Variants in SCARB1 observed in about 807,000 individuals in gnomAD.
SCARB1 encodes the protein CD36 and LIMPII analogous 1.
In SCARB1, 30 loss-of-function variants were observed where a neutral mutation model predicts 57.2. The observed-to-expected ratio is 0.52, with a 90% confidence interval of 0.39 to 0.71. The LOEUF (loss-of-function observed/expected upper bound fraction) is 0.71, where lower values mean the gene tolerates loss of function less well. Ranked by LOEUF, SCARB1 falls within the 30% of genes least tolerant of loss-of-function variation. The pLI is 0.00. For missense variants in SCARB1, 543 were observed against 671.2 expected (o/e 0.81, Z 2.11); for synonymous variants, 249 against 268.3 (o/e 0.93, Z 0.70).
rs1950951677 is a variant in SCARB1, at chr12:124,821,381, A to C, written c.127-3674T>G. Reference sequence around the variant, plus strand: ...TACCTTTCTCCTTTGGAATCTCACCATGCTTTCCTCCTCCCCTGGCCGCTT... The same window carrying C: ...TACCTTTCTCCTTTGGAATCTCACCCTGCTTTCCTCCTCCCCTGGCCGCTT... On this transcript the variant is annotated intron_variant, in intron 1 of 12. Transcript: ENST00000261693. The C allele has an allele frequency of 3.0e-6, 3 of 985,142 alleles. No individual in the cohort carries two copies. The South Asian group carries it at 1.4e-4, about 46-fold the overall frequency. 61.0% of individuals were successfully genotyped at this position (985,142 alleles called of 1,614,324 possible).
intron 1 of SCARB1, among the ~76,000 whole-genome samples, chr12:124,856,364 T>C (rs1952627927): frequency 6.6e-6 from 1 of 152,242 alleles, no homozygotes; most frequent in Admixed American, 6.5e-5. Flanking sequence ...TGTGTGTCAC[T>C]GTTTTCACCA....
chr12:124,827,984 C>G (rs1951232657), intron 1 of SCARB1, among the ~76,000 whole-genome samples: 1 of 152,150 alleles, frequency 6.6e-6, no homozygotes, highest in South Asian at 2.1e-4. Context: ...CTCTTGGCAC[C>G]TTGCAGGAGC....
chr12:124,829,778 C>T (rs1951314654), intron 1 of SCARB1, among the ~76,000 whole-genome samples: 1 of 152,244 alleles, frequency 6.6e-6, no homozygotes, highest in Non-Finnish European at 1.5e-5. Flanking sequence ...CACTGTATGG[C>T]AGGCTCTGCT....
intron 2 of SCARB1, among the ~76,000 whole-genome samples, chr12:124,816,839 G>A (rs772604972): frequency 6.6e-6 from 1 of 152,056 alleles, no homozygotes; most frequent in Non-Finnish European, 1.5e-5. Context: ...CTGAGGCTCA[G>A]AGGAATGAAG....
chr12:124,790,984 T>A (rs75491806), intron 9 of SCARB1, among the ~76,000 whole-genome samples: 1 of 152,242 alleles, frequency 6.6e-6, no homozygotes, highest in African/African-American at 2.4e-5. Flanking sequence ...TGGTTTATAC[T>A]GACCACCAGC....
intron 1 of SCARB1, among the ~76,000 whole-genome samples, chr12:124,857,528 G>A (rs940825233): frequency 6.6e-6 from 1 of 152,120 alleles, no homozygotes. Flanking sequence ...CCAGGGCTGG[G>A]GGTCGCGCCC....
chr12:124,825,224 C>CAAAA (rs60776063), intron 1 of SCARB1, among the ~76,000 whole-genome samples: 6 of 43,680 alleles, frequency 1.4e-4, no homozygotes, highest in Admixed American at 6.2e-4. Context: ...GACTCCATCT[C>CAAAA]AAAAAAAAAA....
At chr12:124,828,922 C>G (rs933087615) in intron 1 of SCARB1, among the ~76,000 whole-genome samples, 2 of 152,230 alleles carry the variant, frequency 1.3e-5, no homozygotes, top group African/African-American at 4.8e-5. Flanking sequence ...GCCCTGCCCA[C>G]TCTGGACCAG....
chr12:124,780,602 G>A (rs1346413030), intron 12 of SCARB1, among the ~76,000 whole-genome samples: 1 of 152,234 alleles, frequency 6.6e-6, no homozygotes, highest in Non-Finnish European at 1.5e-5. Context: ...CACATGCCTA[G>A]GGGATCCGGG....
intron 1 of SCARB1, among the ~76,000 whole-genome samples, chr12:124,859,537 GA>G (rs11296472): frequency 0.9 from 136,744 of 151,248 alleles, 61,881 homozygotes; most frequent in East Asian, 1. Flanking sequence ...TCTCAAAAAA[GA>G]AAAAAAAAAA....
rs1309460142 is a variant in SCARB1, at chr12:124,778,490, G to A, written c.*97C>T. 1 of 1,350,184 alleles carries A rather than the reference G, an allele frequency of 7.4e-7. No individual in the cohort carries two copies. Among genetic ancestry groups the A allele is most frequent in the Non-Finnish European group, 9.5e-7 (1 of 1,049,032 alleles). 83.6% of individuals were successfully genotyped at this position (1,350,184 alleles called of 1,614,324 possible). On this transcript the variant is annotated 3_prime_UTR_variant, in exon 13 of 13. Transcript: ENST00000261693. The stretch of plus-strand genomic sequence containing the variant: ...GCTCAGGCTGTGGGGCTGGGGGGCT[G>A]TCCGCTGGGAGAGTCCGGGAGAAGC...
intron 1 of SCARB1, among the ~76,000 whole-genome samples, chr12:124,858,950 C>G (rs896831473): frequency 6.6e-6 from 1 of 152,182 alleles, no homozygotes; most frequent in African/African-American, 2.4e-5. Context: ...ACACAGCTCA[C>G]TGCAGCCTCG....
intron 2 of SCARB1, among the ~76,000 whole-genome samples, chr12:124,816,912 TCCTTGGG>T (rs1950738700): frequency 6.6e-6 from 1 of 151,796 alleles, no homozygotes; most frequent in Non-Finnish European, 1.5e-5. Flanking sequence ...AACTCTGTGG[TCCTTGGG>T]CCAGCATGTT....
At chr12:124,853,842 C>T (rs1258047384) in intron 1 of SCARB1, among the ~76,000 whole-genome samples, 5 of 152,184 alleles carry the variant, frequency 3.3e-5, no homozygotes, top group South Asian at 2.1e-4. Flanking sequence ...GCGACGGCCA[C>T]GGCAGGTGGA....
At chr12:124,788,533 G>A (rs970973771) in intron 9 of SCARB1, among the ~76,000 whole-genome samples, 4 of 152,184 alleles carry the variant, frequency 2.6e-5, no homozygotes, top group African/African-American at 9.7e-5. Flanking sequence ...TGCAAGGGCT[G>A]GAGCTCTGCA....
At chr12:124,795,595 C>A (rs370932609) in intron 8 of SCARB1, among the ~76,000 whole-genome samples, 119 of 152,328 alleles carry the variant, frequency 7.8e-4, no homozygotes, top group African/African-American at 2.8e-3. Flanking sequence ...ATCACTTTCA[C>A]CTGTCCTCCT....
intron 1 of SCARB1, among the ~76,000 whole-genome samples, chr12:124,842,164 T>G (rs1951934375): frequency 6.6e-6 from 1 of 152,166 alleles, no homozygotes; most frequent in Non-Finnish European, 1.5e-5. Flanking sequence ...CCCAAACAGC[T>G]GGGGATGAAT....
chr12:124,834,326 C>T (rs1043631982), intron 1 of SCARB1, among the ~76,000 whole-genome samples: 1 of 152,216 alleles, frequency 6.6e-6, no homozygotes, highest in Non-Finnish European at 1.5e-5. Context: ...CAGAAACAGA[C>T]GTCACCGGTG....
At chr12:124,823,590 C>G (rs1025742457) in intron 1 of SCARB1, among the ~76,000 whole-genome samples, 1 of 152,120 alleles carries the variant, frequency 6.6e-6, no homozygotes, top group Non-Finnish European at 1.5e-5. Context: ...AACGATCAAA[C>G]GCAAAGTTAC....
Sources: gnomAD v4.1 joint callset for allele counts (sites outside exome capture counted in the v4.1 genomes callset) on GRCh38, gnomAD v4.1.1 for gene constraint, MANE v1.5 for transcripts, NCBI Gene and HGNC (gene_info 2026-07-23, HGNC 2026-07-21) for gene names.